Variants in NXPE2 observed in about 807,000 individuals in gnomAD.
NXPE2 encodes the protein neurexophilin and PC-esterase domain family member 2.
NXPE2 carries 34 observed loss-of-function variants against 34.4 expected under a neutral mutation model. That is an observed-to-expected ratio of 0.99 (90% CI 0.75 to 1.31). The LOEUF (loss-of-function observed/expected upper bound fraction) is 1.31, where lower values mean the gene tolerates loss of function less well. Ranked by LOEUF, NXPE2 falls within the 40% of genes most tolerant of loss-of-function variation. The pLI, the probability that NXPE2 is intolerant of heterozygous loss-of-function variation, is 0.00. For missense variants in NXPE2, 649 were observed against 672.5 expected (o/e 0.97, Z 0.39); for synonymous variants, 235 against 231.3 (o/e 1.02, Z -0.15).
chr11:114,558,776 T>G, the NXPE2 span, among the ~76,000 whole-genome samples: 3 of 152,196 alleles, frequency 2.0e-5, no homozygotes, highest in African/African-American at 7.2e-5. Flanking sequence ...ATGGCAATAT[T>G]TCTGTTAGTT....
At chr11:114,727,116 A>G in the NXPE2 span, among the ~76,000 whole-genome samples, 347 of 152,170 alleles carry the variant, frequency 2.3e-3, 1 homozygote, top group African/African-American at 8.0e-3. Flanking sequence ...TGTTTGTTAC[A>G]GCAACACCTT....
chr11:114,804,690 T>G, the NXPE2 span, among the ~76,000 whole-genome samples: 1 of 152,222 alleles, frequency 6.6e-6, no homozygotes, highest in East Asian at 1.9e-4. Context: ...AGAACCAGCT[T>G]AGATTGGGGT....
chr11:114,537,230 A>G, the NXPE2 span, among the ~76,000 whole-genome samples: 1 of 152,160 alleles, frequency 6.6e-6, no homozygotes, highest in Non-Finnish European at 1.5e-5. Flanking sequence ...AAATTCAACA[A>G]CCCTTCATGC....
At chr11:114,474,352 G>A in the NXPE2 span, among the ~76,000 whole-genome samples, 1 of 152,302 alleles carries the variant, frequency 6.6e-6, no homozygotes, top group South Asian at 2.1e-4. Context: ...AGGCATTTAG[G>A]TGTCAGAGAG....
the NXPE2 span, among the ~76,000 whole-genome samples, chr11:114,789,030 TTA>T: frequency 2.0e-5 from 3 of 152,174 alleles, no homozygotes; most frequent in African/African-American, 7.2e-5. Context: ...GCTAAATCAA[TTA>T]AGCCATGAAT....
chr11:114,521,762 G>A, the NXPE2 span: 1 of 496,182 alleles, frequency 2.0e-6, no homozygotes. Flanking sequence ...ATCAGAACCA[G>A]GCATGGTATA....
At chr11:114,583,034 CA>C in the NXPE2 span, 1 of 1,594,460 alleles carries the variant, frequency 6.3e-7, no homozygotes, top group Non-Finnish European at 8.5e-7. Context: ...GAAATGACAG[CA>C]AATGTGACAT....
chr11:114,531,852 GTGCT>G, the NXPE2 span, among the ~76,000 whole-genome samples: 2 of 152,046 alleles, frequency 1.3e-5, no homozygotes, highest in African/African-American at 4.8e-5. Context: ...GCACTATACG[GTGCT>G]TTATAAGCAC....
the NXPE2 span, among the ~76,000 whole-genome samples, chr11:114,784,415 C>A: frequency 6.6e-6 from 1 of 152,198 alleles, no homozygotes; most frequent in South Asian, 2.1e-4. Flanking sequence ...TGGAGTCCTG[C>A]TGTTGTCTCA....
chr11:114,636,892 C>G, the NXPE2 span, among the ~76,000 whole-genome samples: 1 of 152,032 alleles, frequency 6.6e-6, no homozygotes, highest in Admixed American at 6.6e-5. Context: ...AGTATATGGT[C>G]AATTTTGGAA....
chr11:114,800,701 C>T, the NXPE2 span, among the ~76,000 whole-genome samples: 1 of 152,284 alleles, frequency 6.6e-6, no homozygotes, highest in South Asian at 2.1e-4. Flanking sequence ...AAGTTCAAAG[C>T]CCACCAATTT....
At chr11:114,605,885 GCA>G in the NXPE2 span, among the ~76,000 whole-genome samples, 1 of 151,556 alleles carries the variant, frequency 6.6e-6, no homozygotes, top group Non-Finnish European at 1.5e-5. Context: ...GTTGCCTCGT[GCA>G]TAACCAATGT....
the NXPE2 span, among the ~76,000 whole-genome samples, chr11:114,510,582 A>C: frequency 6.6e-6 from 1 of 152,158 alleles, no homozygotes; most frequent in Non-Finnish European, 1.5e-5. Flanking sequence ...CAGTGAAAAC[A>C]ATAGATGTTT....
chr11:114,522,213 T>A, the NXPE2 span: 1 of 1,614,094 alleles, frequency 6.2e-7, no homozygotes, highest in Non-Finnish European at 8.5e-7. Flanking sequence ...GCTGGGCTTC[T>A]TAGGAACAGT....
intron 2 of NXPE2, among the ~76,000 whole-genome samples, chr11:114,690,508 T>A (rs1951130356): frequency 6.6e-6 from 1 of 152,176 alleles, no homozygotes; most frequent in African/African-American, 2.4e-5. Context: ...TATGACCTTT[T>A]TCTCTAGCTG....
chr11:114,772,543 G>C, the NXPE2 span, among the ~76,000 whole-genome samples: 6 of 152,078 alleles, frequency 3.9e-5, no homozygotes, highest in Non-Finnish European at 7.4e-5. Context: ...AACAGTGCTA[G>C]CTTCTTTGAA....
At chr11:114,616,346 G>A in the NXPE2 span, among the ~76,000 whole-genome samples, 1 of 138,586 alleles carries the variant, frequency 7.2e-6, no homozygotes, top group Non-Finnish European at 1.6e-5. Context: ...TGATGGATAA[G>A]TGTTGCCTCA....
chr11:114,578,805 T>C, the NXPE2 span, among the ~76,000 whole-genome samples: 1 of 152,188 alleles, frequency 6.6e-6, no homozygotes, highest in Non-Finnish European at 1.5e-5. Context: ...GTTTAGTAAA[T>C]AGAGCAACTG....
the NXPE2 span, among the ~76,000 whole-genome samples, chr11:114,471,952 AG>A: frequency 6.6e-6 from 1 of 152,242 alleles, no homozygotes. Flanking sequence ...TGCCAAAATT[AG>A]GGGTAACTCC....
Sources: gnomAD v4.1 joint callset for allele counts (sites outside exome capture counted in the v4.1 genomes callset) on GRCh38, gnomAD v4.1.1 for gene constraint, MANE v1.5 for transcripts, NCBI Gene and HGNC (gene_info 2026-07-23, HGNC 2026-07-21) for gene names.